Variants in LRRC4C observed in about 807,000 individuals in gnomAD.
The protein encoded by LRRC4C is leucine-rich repeat-containing protein 4C.
In LRRC4C, 5 loss-of-function variants were observed where a neutral mutation model predicts 33.6. That is an observed-to-expected ratio of 0.15 (90% CI 0.08 to 0.31). The LOEUF (loss-of-function observed/expected upper bound fraction) is 0.31. Among genes scored for constraint, LRRC4C ranks in the 10% least tolerant of loss-of-function variants. The pLI, the probability that LRRC4C is intolerant of heterozygous loss-of-function variation, is 1.00. For missense variants in LRRC4C, 560 were observed against 796.7 expected, an observed-to-expected ratio of 0.70 and a Z score of 3.58; for synonymous variants, 329 against 302.0, an observed-to-expected ratio of 1.09 and a Z score of -0.93.
intron 2 of LRRC4C, among the ~76,000 whole-genome samples, chr11:40,792,079 C>T (rs1950644903): frequency 6.6e-6 from 1 of 152,058 alleles, no homozygotes; most frequent in South Asian, 2.1e-4. Context: ...CTATAAGCAT[C>T]AAGAACCAGC....
intron 1 of LRRC4C, among the ~76,000 whole-genome samples, chr11:41,244,549 A>T (rs1285460066): frequency 6.6e-6 from 1 of 152,208 alleles, no homozygotes; most frequent in Non-Finnish European, 1.5e-5. Context: ...AGCAACAGAG[A>T]TAAAGAATGA....
intron 3 of LRRC4C, among the ~76,000 whole-genome samples, chr11:40,328,219 A>G (rs1946188374): frequency 6.6e-6 from 1 of 152,162 alleles, no homozygotes; most frequent in South Asian, 2.1e-4. Context: ...ATTTTTATCT[A>G]AAGTGGAGTT....
At chr11:40,712,867 A>C (rs1386370850) in intron 2 of LRRC4C, among the ~76,000 whole-genome samples, 2 of 151,558 alleles carry the variant, frequency 1.3e-5, no homozygotes, top group East Asian at 3.9e-4. Flanking sequence ...ATTTCATATA[A>C]GTTCCTTTCT....
At chr11:40,833,226 A>G (rs1320849174) in intron 2 of LRRC4C, among the ~76,000 whole-genome samples, 4 of 152,164 alleles carry the variant, frequency 2.6e-5, no homozygotes, top group Admixed American at 2.6e-4. Context: ...AGCTTCTCAG[A>G]TAAAGTCTCT....
At chr11:40,524,181 C>T (rs1214517831) in intron 3 of LRRC4C, among the ~76,000 whole-genome samples, 3 of 152,092 alleles carry the variant, frequency 2.0e-5, no homozygotes, top group South Asian at 2.1e-4. Context: ...GCTGCTGATG[C>T]TACCTTCCGT....
At chr11:40,235,948 C>T (rs1865521823) in intron 5 of LRRC4C, among the ~76,000 whole-genome samples, 1 of 152,070 alleles carries the variant, frequency 6.6e-6, no homozygotes, top group Admixed American at 6.6e-5. Context: ...AGTGCCAGAA[C>T]TCTATCTCAA....
chr11:40,997,236 AG>A (rs1236561969), intron 1 of LRRC4C, among the ~76,000 whole-genome samples: 1 of 152,170 alleles, frequency 6.6e-6, no homozygotes, highest in Non-Finnish European at 1.5e-5. Context: ...AGAAGAGATG[AG>A]GATACAAATG....
At chr11:40,285,652 C>T (rs1943785755) in intron 4 of LRRC4C, among the ~76,000 whole-genome samples, 2 of 152,152 alleles carry the variant, frequency 1.3e-5, no homozygotes, top group Admixed American at 6.6e-5. Flanking sequence ...TTGGAAATGA[C>T]TGAGGACTGA....
At chr11:40,488,280 T>TC (rs1953968379) in intron 3 of LRRC4C, among the ~76,000 whole-genome samples, 2 of 147,310 alleles carry the variant, frequency 1.4e-5, no homozygotes, top group Admixed American at 6.8e-5. Flanking sequence ...GGGTGTTTTT[T>TC]TCCCCCCCCC....
chr11:40,895,904 T>C (rs1237630468), intron 2 of LRRC4C, among the ~76,000 whole-genome samples: 1 of 152,160 alleles, frequency 6.6e-6, no homozygotes, highest in East Asian at 1.9e-4. Flanking sequence ...ACATTTCCCT[T>C]AGTGCTTTTG....
intron 3 of LRRC4C, among the ~76,000 whole-genome samples, chr11:40,396,063 C>A (rs1274326540): frequency 1.3e-5 from 2 of 151,974 alleles, no homozygotes; most frequent in East Asian, 3.9e-4. Context: ...TATATAGGGC[C>A]CAGGGATGTG....
chr11:40,772,835 C>T (rs1455744862), intron 2 of LRRC4C, among the ~76,000 whole-genome samples: 1 of 152,090 alleles, frequency 6.6e-6, no homozygotes, highest in Non-Finnish European at 1.5e-5. Context: ...TATGATTCAG[C>T]CATCCACTGA....
intron 1 of LRRC4C, among the ~76,000 whole-genome samples, chr11:41,452,670 T>C (rs529939165): frequency 3.4e-4 from 52 of 152,184 alleles, no homozygotes; most frequent in African/African-American, 1.2e-3. Context: ...TTCTCTGGTC[T>C]CCTTGAATGT....
chr11:40,334,611 C>T (rs1946513862), intron 3 of LRRC4C, among the ~76,000 whole-genome samples: 1 of 152,120 alleles, frequency 6.6e-6, no homozygotes, highest in Non-Finnish European at 1.5e-5. Context: ...ACAAAGAATA[C>T]TTCTGTAGAG....
At chr11:41,406,443 T>C (rs1303297720) in intron 1 of LRRC4C, among the ~76,000 whole-genome samples, 2 of 152,120 alleles carry the variant, frequency 1.3e-5, no homozygotes, top group Non-Finnish European at 2.9e-5. Context: ...TTCTTCATCA[T>C]TGCGTGGGTA....
chr11:40,783,969 T>G (rs1950313905), intron 2 of LRRC4C, among the ~76,000 whole-genome samples: 1 of 152,116 alleles, frequency 6.6e-6, no homozygotes, highest in African/African-American at 2.4e-5. Context: ...ATTGGACAAA[T>G]ACCGCTATTT....
intron 3 of LRRC4C, among the ~76,000 whole-genome samples, chr11:40,590,499 A>C: frequency 6.6e-6 from 1 of 152,084 alleles, no homozygotes; most frequent in Non-Finnish European, 1.5e-5. Context: ...TTCTCCGTCC[A>C]GCTTTTTTCC....
chr11:40,931,073 C>T (rs1053557860), intron 2 of LRRC4C, among the ~76,000 whole-genome samples: 24 of 151,988 alleles, frequency 1.6e-4, no homozygotes, highest in African/African-American at 5.6e-4. Context: ...AAACAGTGTC[C>T]CAGAAGAGTT....
chr11:40,789,571 T>A lies in LRRC4C; in HGVS notation c.-406-141293A>T, dbSNP rs1461255945. ...TTTTAAAGTAAGGTTGCTCTACTCT[T>A]CTATACTTCAGATATATTTTTAAAA... On this transcript the variant is annotated intron_variant, in intron 2 of 6. Transcript: ENST00000528697. Among the ~76,000 whole-genome samples the A allele has an allele frequency of 2.0e-5, 3 of 151,770 alleles. No individual in the cohort carries two copies. In the East Asian group the frequency reaches 5.8e-4, roughly 29 times the overall value.
Sources: gnomAD v4.1 joint callset for allele counts (sites outside exome capture counted in the v4.1 genomes callset) on GRCh38, gnomAD v4.1.1 for gene constraint, MANE v1.5 for transcripts, NCBI Gene and HGNC (gene_info 2026-07-23, HGNC 2026-07-21) for gene names.